ATE1: variants seen among roughly 807,000 people sequenced by gnomAD.
ATE1 encodes arginyltransferase 1.
ATE1 carries 36 observed loss-of-function variants against 70.5 expected under a neutral mutation model. The ratio of observed to expected loss-of-function variants is 0.51; its 90% CI spans 0.39 to 0.67. ATE1 has a LOEUF of 0.67. Ranked by LOEUF, ATE1 falls within the 30% of genes least tolerant of loss-of-function variation. The pLI, the probability that ATE1 is intolerant of heterozygous loss-of-function variation, is 0.00. For missense variants in ATE1, 593 were observed against 629.5 expected, an observed-to-expected ratio of 0.94 and a Z score of 0.62; for synonymous variants, 232 against 219.3, an observed-to-expected ratio of 1.06 and a Z score of -0.51.
At chr10:121,827,026 T>G (rs2133651955) in intron 10 of ATE1, among the ~76,000 whole-genome samples, 2 of 152,184 alleles carry the variant, frequency 1.3e-5, no homozygotes, top group Admixed American at 1.3e-4. Flanking sequence ...TAATTTTTTT[T>G]TTTTTTGAGA....
chr10:121,927,605 C>T (rs1470169219), intron 1 of ATE1: 2 of 954,348 alleles, frequency 2.1e-6, no homozygotes, highest in Non-Finnish European at 1.2e-6. Context: ...CGTCTCCCGA[C>T]TCTGGGGAGA....
At chr10:121,852,027 T>C (rs1949074327) in intron 8 of ATE1, among the ~76,000 whole-genome samples, 1 of 152,248 alleles carries the variant, frequency 6.6e-6, no homozygotes, top group African/African-American at 2.4e-5. Context: ...CCTGTCTCTT[T>C]ACCCACCTGC....
At chr10:121,857,820 C>T (rs1236599503) in intron 8 of ATE1, among the ~76,000 whole-genome samples, 3 of 152,154 alleles carry the variant, frequency 2.0e-5, no homozygotes, top group Non-Finnish European at 4.4e-5. Context: ...ACAGAAACTA[C>T]GTACCCATTA....
chr10:121,749,894 G>C (rs2135700098), intron 11 of ATE1, among the ~76,000 whole-genome samples: 1 of 152,240 alleles, frequency 6.6e-6, no homozygotes, highest in Admixed American at 6.5e-5. Flanking sequence ...TACCCCTTCA[G>C]TGGGTATAAT....
intron 5 of ATE1, among the ~76,000 whole-genome samples, chr10:121,907,846 T>C (rs1258969990): frequency 6.6e-6 from 1 of 151,720 alleles, no homozygotes; most frequent in African/African-American, 2.4e-5. Context: ...ACCTCATAAG[T>C]CTATTTGCCA....
intron 10 of ATE1, among the ~76,000 whole-genome samples, chr10:121,807,598 G>C (rs1424441001): frequency 6.6e-6 from 1 of 152,158 alleles, no homozygotes; most frequent in Non-Finnish European, 1.5e-5. Flanking sequence ...TGATGACACT[G>C]ACTTAGACTA....
In ATE1 at chr10:121,766,661, G is replaced by A. The variant is rs552895858; in HGVS notation, c.1379-22803C>T. On this transcript the variant is annotated intron_variant, in intron 11 of 11. Coordinates refer to ENST00000224652, the MANE Select transcript of ATE1 (RefSeq NM_001001976.3). Reference sequence around the variant, plus strand: ...CTAGCCAAAGTACCAGGAAAGGGGCGGCCTACACAAAAAGCAAAACAAAAA... The same window carrying A: ...CTAGCCAAAGTACCAGGAAAGGGGCAGCCTACACAAAAAGCAAAACAAAAA... 1.6e-4 allele frequency among the ~76,000 whole-genome samples: 25 copies of A among 151,940 alleles called. 1 individual carries two copies. Among genetic ancestry groups the A allele is most frequent in the Admixed American group, 1.0e-3 (16 of 15,272 alleles).
chr10:121,831,134 A>C (rs1166780307), intron 10 of ATE1, among the ~76,000 whole-genome samples: 4 of 152,220 alleles, frequency 2.6e-5, no homozygotes, highest in Admixed American at 6.5e-5. Context: ...AGAAATACTA[A>C]GGTTAGTAGT....
chr10:121,847,279 G>A (rs191394665), intron 8 of ATE1, among the ~76,000 whole-genome samples: 3 of 151,046 alleles, frequency 2.0e-5, no homozygotes, highest in East Asian at 3.9e-4. Context: ...AAACCCTGTC[G>A]CTACTAAAAA....
chr10:121,789,118 C>T (rs1370817568), intron 11 of ATE1, among the ~76,000 whole-genome samples: 1 of 152,214 alleles, frequency 6.6e-6, no homozygotes, highest in Middle Eastern at 3.4e-3. Flanking sequence ...GGGGGCTGTT[C>T]TTAGCATGTT....
At chr10:121,771,249 T>G (rs1393556486) in intron 11 of ATE1, among the ~76,000 whole-genome samples, 1 of 152,122 alleles carries the variant, frequency 6.6e-6, no homozygotes, top group Non-Finnish European at 1.5e-5. Context: ...TTTTGTATTT[T>G]TAGTAGAGAC....
chr10:121,857,062 G>A (rs371770542), intron 8 of ATE1, among the ~76,000 whole-genome samples: 2 of 152,030 alleles, frequency 1.3e-5, no homozygotes, highest in Non-Finnish European at 2.9e-5. Context: ...CATAAAATTT[G>A]TTTGAACCAC....
intron 11 of ATE1, among the ~76,000 whole-genome samples, chr10:121,745,949 A>C (rs1944353157): frequency 6.6e-6 from 1 of 152,168 alleles, no homozygotes; most frequent in Non-Finnish European, 1.5e-5. Flanking sequence ...AGTGAAAGGC[A>C]AAAGTAGGCA....
intron 11 of ATE1, among the ~76,000 whole-genome samples, chr10:121,771,304 C>T (rs140547256): frequency 0.12 from 17,508 of 152,030 alleles, 1,099 homozygotes; most frequent in Admixed American, 0.19. Context: ...CTCCTGACCT[C>T]GTGATCCACC....
chr10:121,784,462 G>A (rs775331847), intron 11 of ATE1, among the ~76,000 whole-genome samples: 6 of 152,112 alleles, frequency 3.9e-5, no homozygotes, highest in Non-Finnish European at 5.9e-5. Flanking sequence ...AAAAGATCAC[G>A]CAAACTAGGG....
chr10:121,764,806 G>A (rs1258039185), intron 11 of ATE1, among the ~76,000 whole-genome samples: 1 of 152,170 alleles, frequency 6.6e-6, no homozygotes. Context: ...ATGTGCTGTA[G>A]AACTGTGACT....
chr10:121,753,046 T>C (rs1488882186), intron 11 of ATE1, among the ~76,000 whole-genome samples: 1 of 152,252 alleles, frequency 6.6e-6, no homozygotes, highest in East Asian at 1.9e-4. Context: ...TTTTCCAGAA[T>C]ATAATTTTTG....
intron 7 of ATE1, 145 bp downstream of exon 7, chr10:121,899,721 A>G (rs1442125950): frequency 3.2e-6 from 4 of 1,234,896 alleles, no homozygotes; most frequent in Non-Finnish European, 3.3e-6. Context: ...CAGAATGTCC[A>G]TTAATTCAGT....
chr10:121,854,493 C>T (rs1261216463), intron 8 of ATE1, among the ~76,000 whole-genome samples: 2 of 152,168 alleles, frequency 1.3e-5, no homozygotes, highest in Non-Finnish European at 2.9e-5. Flanking sequence ...GAGAAACACA[C>T]CTCACAGTCT....
Sources: allele counts gnomAD v4.1 joint callset (sites outside exome capture counted in the v4.1 genomes callset), GRCh38; gene constraint gnomAD v4.1.1; transcripts MANE v1.5; gene names NCBI Gene and HGNC (gene_info 2026-07-23, HGNC 2026-07-21).